PPP3CA: variants seen among roughly 807,000 people sequenced by gnomAD.
PPP3CA encodes CAM-PRP catalytic subunit.
Under a neutral mutation model 66.5 loss-of-function variants are expected in PPP3CA, and 14 were observed. The ratio of observed to expected loss-of-function variants is 0.21; its 90% confidence interval spans 0.14 to 0.33. The LOEUF is 0.33. Among genes scored for constraint, PPP3CA ranks in the 10% least tolerant of loss-of-function variants. PPP3CA has a pLI of 1.00. For synonymous variants in PPP3CA, 232 were observed against 226.2 expected, an observed-to-expected ratio of 1.03 and a Z score of -0.23; for missense variants, 317 against 639.5, an observed-to-expected ratio of 0.50 and a Z score of 5.44.
intron 12 of PPP3CA, among the ~76,000 whole-genome samples, chr4:101,031,062 T>C (rs915168771): frequency 1.5e-5 from 2 of 131,244 alleles, no homozygotes; most frequent in African/African-American, 5.1e-5. Context: ...TAAAAATTTT[T>C]GTCTTTTTGT....
intron 13 of PPP3CA, among the ~76,000 whole-genome samples, chr4:101,027,875 T>C (rs1487200702): frequency 6.6e-6 from 1 of 152,198 alleles, no homozygotes; most frequent in African/African-American, 2.4e-5. Context: ...TCTGCTGTAG[T>C]TGCTGGTCAG....
intron 1 of PPP3CA, among the ~76,000 whole-genome samples, chr4:101,196,897 C>T (rs1277768737): frequency 6.6e-6 from 1 of 152,206 alleles, no homozygotes; most frequent in Non-Finnish European, 1.5e-5. Flanking sequence ...TGAGTACATT[C>T]ATTCACTCAT....
At chr4:101,168,380 A>G (rs1485841634) in intron 2 of PPP3CA, among the ~76,000 whole-genome samples, 2 of 152,204 alleles carry the variant, frequency 1.3e-5, no homozygotes, top group South Asian at 2.1e-4. Context: ...AGAAAAGTAG[A>G]TAACTAGAAA....
At chr4:101,083,441 C>T (rs1272301679) in intron 6 of PPP3CA, among the ~76,000 whole-genome samples, 178 bp from the exon 7 acceptor site, 2 of 152,098 alleles carry the variant, frequency 1.3e-5, no homozygotes, top group South Asian at 2.1e-4. Flanking sequence ...AAAGCATCTA[C>T]AGCTGTACTT....
chr4:101,131,373 T>C (rs908285646), intron 2 of PPP3CA, among the ~76,000 whole-genome samples: 3 of 147,230 alleles, frequency 2.0e-5, no homozygotes, highest in South Asian at 2.1e-4. Flanking sequence ...AAGACACACA[T>C]AGGTTCAAAT....
chr4:101,204,607 G>C (rs181017904), intron 1 of PPP3CA, among the ~76,000 whole-genome samples: 1 of 140,654 alleles, frequency 7.1e-6, no homozygotes, highest in Non-Finnish European at 1.5e-5. Flanking sequence ...CTGCACTCCA[G>C]CTTGGGCGAC....
At chr4:101,193,121 C>A (rs1724662685) in intron 2 of PPP3CA, among the ~76,000 whole-genome samples, 1 of 152,222 alleles carries the variant, frequency 6.6e-6, no homozygotes, top group African/African-American at 2.4e-5. Flanking sequence ...TGTACTTATG[C>A]TTGGTTAGAT....
At chr4:101,242,322 A>AT (rs1454153374) in intron 1 of PPP3CA, among the ~76,000 whole-genome samples, 1 of 152,124 alleles carries the variant, frequency 6.6e-6, no homozygotes, top group East Asian at 1.9e-4. Context: ...TTAAAATCTA[A>AT]TTAAGACACA....
intron 2 of PPP3CA, among the ~76,000 whole-genome samples, chr4:101,118,725 CTT>C (rs1721926723): frequency 6.6e-6 from 1 of 151,938 alleles, no homozygotes; most frequent in Admixed American, 6.6e-5. Flanking sequence ...TTTTAAATTA[CTT>C]TCTTATTCAT....
At chr4:101,340,113 T>C (rs892626143) in intron 1 of PPP3CA, among the ~76,000 whole-genome samples, 15 of 152,324 alleles carry the variant, frequency 9.8e-5, no homozygotes, top group South Asian at 4.1e-4. Flanking sequence ...TTGACAAACA[T>C]TGTAAACTAG....
intron 11 of PPP3CA, 54 bp from the exon 12 acceptor site, chr4:101,032,418 A>AAAG (rs1727012791): frequency 6.8e-7 from 1 of 1,471,724 alleles, no homozygotes; most frequent in Non-Finnish European, 9.4e-7. Flanking sequence ...TGTGAAAAAG[A>AAAG]AAGAAATGAC....
chr4:101,073,380 G>A (rs987226462), intron 8 of PPP3CA, among the ~76,000 whole-genome samples: 2 of 151,374 alleles, frequency 1.3e-5, no homozygotes, highest in Non-Finnish European at 2.9e-5. Context: ...GGGTTCAAGC[G>A]ATTCTTCCTC....
At chr4:101,066,402 C>A (rs771428554) in intron 8 of PPP3CA, among the ~76,000 whole-genome samples, 6 of 152,066 alleles carry the variant, frequency 3.9e-5, no homozygotes, top group Non-Finnish European at 8.8e-5. Context: ...TTTATAAAGT[C>A]TCTTCCAGAT....
intron 1 of PPP3CA, among the ~76,000 whole-genome samples, chr4:101,204,958 C>G (rs1183124496): frequency 6.7e-6 from 1 of 149,294 alleles, no homozygotes. Flanking sequence ...GGTACCCCAA[C>G]TATCTTGGAT....
At chr4:101,301,645 C>G (rs1225679214) in intron 1 of PPP3CA, among the ~76,000 whole-genome samples, 1 of 148,816 alleles carries the variant, frequency 6.7e-6, no homozygotes, top group African/African-American at 2.5e-5. Flanking sequence ...AGGCACTTGC[C>G]ACCACACCTG....
chr4:101,049,742 G>A (rs764761433), intron 10 of PPP3CA, among the ~76,000 whole-genome samples: 1 of 151,968 alleles, frequency 6.6e-6, no homozygotes, highest in South Asian at 2.1e-4. Context: ...ATGATAACAT[G>A]TAACAAAGTG....
intron 2 of PPP3CA, among the ~76,000 whole-genome samples, 195 bp from the exon 3 acceptor site, chr4:101,109,273 C>T (rs1247706751): frequency 7.3e-6 from 1 of 137,902 alleles, no homozygotes; most frequent in African/African-American, 2.8e-5. Flanking sequence ...GCAAACTTGG[C>T]TCTAATGTCT....
intron 1 of PPP3CA, among the ~76,000 whole-genome samples, chr4:101,259,955 T>C (rs915580227): frequency 7.2e-5 from 11 of 152,164 alleles, no homozygotes; most frequent in Non-Finnish European, 1.3e-4. Context: ...GGCACGAACA[T>C]AAGAAAGTTC....
At chr4:101,178,801 G>A (rs560722552) in intron 2 of PPP3CA, among the ~76,000 whole-genome samples, 45 of 152,166 alleles carry the variant, frequency 3.0e-4, no homozygotes, top group Admixed American at 2.4e-3. Flanking sequence ...GTTGGTAAGT[G>A]TTCTTCACAC....
Sources: gnomAD v4.1 joint callset for allele counts (sites outside exome capture counted in the v4.1 genomes callset) on GRCh38, gnomAD v4.1.1 for gene constraint, MANE v1.5 for transcripts, NCBI Gene and HGNC (gene_info 2026-07-23, HGNC 2026-07-21) for gene names.